Variants in ZNF536 observed in about 807,000 individuals in gnomAD.
The protein encoded by ZNF536 is zinc finger protein 536.
In ZNF536, 13 loss-of-function variants were observed where a neutral mutation model predicts 84.5. That is an observed-to-expected ratio of 0.15 (90% confidence interval 0.10 to 0.24). ZNF536 has a LOEUF of 0.24. Among genes scored for constraint, ZNF536 ranks in the 10% least tolerant of loss-of-function variants. ZNF536 has a pLI of 1.00. For synonymous variants in ZNF536, 811 were observed against 742.5 expected, an observed-to-expected ratio of 1.09 and a Z score of -1.50; for missense variants, 1,536 against 1,747.5, an observed-to-expected ratio of 0.88 and a Z score of 2.16.
chr19:30,693,903 A>C (rs2051538667), intron 1 of ZNF536, among the ~76,000 whole-genome samples: 1 of 152,150 alleles, frequency 6.6e-6, no homozygotes, highest in Non-Finnish European at 1.5e-5. Context: ...ACATTAATAC[A>C]ATACAACCTC....
At chr19:30,255,664 A>G (rs189260033) in intron 1 of ZNF536, among the ~76,000 whole-genome samples, 2 of 152,338 alleles carry the variant, frequency 1.3e-5, no homozygotes, top group East Asian at 3.9e-4. Flanking sequence ...CAATAAAAAA[A>G]ATGTCTTTCT....
intron 1 of ZNF536, among the ~76,000 whole-genome samples, chr19:30,627,650 G>T (rs1335713734): frequency 6.6e-6 from 1 of 152,056 alleles, no homozygotes; most frequent in Admixed American, 6.5e-5. Context: ...TGACACTCAA[G>T]TTCTCTGTAC....
intron 1 of ZNF536, among the ~76,000 whole-genome samples, chr19:30,405,141 C>G (rs181519874): frequency 9.3e-4 from 141 of 152,248 alleles, no homozygotes; most frequent in Non-Finnish European, 1.9e-3. Context: ...ACCCAGTCCT[C>G]TTGGGTTTTT....
chr19:30,618,169 C>T (rs1008190280), intron 1 of ZNF536, among the ~76,000 whole-genome samples: 1 of 151,976 alleles, frequency 6.6e-6, no homozygotes, highest in Non-Finnish European at 1.5e-5. Flanking sequence ...TCATATTGTT[C>T]TTTGTGAATT....
At chr19:30,344,364 C>T (rs545648548) in intron 2 of ZNF536, among the ~76,000 whole-genome samples, 24 of 115,540 alleles carry the variant, frequency 2.1e-4, no homozygotes, top group Admixed American at 1.4e-3. Flanking sequence ...CACTTGAACC[C>T]GGGAGGCGGA....
chr19:30,387,438 C>A (rs559068449), intron 1 of ZNF536, among the ~76,000 whole-genome samples: 2 of 152,272 alleles, frequency 1.3e-5, no homozygotes, highest in African/African-American at 4.8e-5. Flanking sequence ...ATGCCCAGAA[C>A]CTGCCCTCCC....
At chr19:30,451,939 G>A (rs1225542565) in intron 2 of ZNF536, among the ~76,000 whole-genome samples, 4 of 152,246 alleles carry the variant, frequency 2.6e-5, no homozygotes, top group Non-Finnish European at 1.5e-5. Context: ...AAGGAATTAA[G>A]CGGTCAATTT....
intron 2 of ZNF536, among the ~76,000 whole-genome samples, chr19:30,490,234 G>T (rs372160069): frequency 6.6e-6 from 1 of 151,982 alleles, no homozygotes; most frequent in Non-Finnish European, 1.5e-5. Context: ...TAATCTCTTC[G>T]TTCATCTCTT....
chr19:30,292,637 G>T (rs1235355529), intron 2 of ZNF536, among the ~76,000 whole-genome samples: 2 of 152,012 alleles, frequency 1.3e-5, no homozygotes, highest in African/African-American at 4.8e-5. Flanking sequence ...ACTTCTTTGG[G>T]TGTTTTTAGT....
chr19:30,547,781 AG>A (rs1359989277), intron 3 of ZNF536, among the ~76,000 whole-genome samples, 161 bp from the exon 4 acceptor site: 2 of 152,224 alleles, frequency 1.3e-5, no homozygotes, highest in Non-Finnish European at 2.9e-5. Context: ...TCATTAAAAA[AG>A]CTTAAGAGTA....
At chr19:30,590,559 C>T (rs954065875) in intron 1 of ZNF536, among the ~76,000 whole-genome samples, 9 of 152,176 alleles carry the variant, frequency 5.9e-5, no homozygotes, top group African/African-American at 1.9e-4. Context: ...GGATTTTAAC[C>T]TCTTTTTTCT....
intron 1 of ZNF536, among the ~76,000 whole-genome samples, chr19:30,280,562 T>A (rs1200669702): frequency 6.6e-6 from 1 of 152,176 alleles, no homozygotes. Context: ...TCTCATATCC[T>A]CCAAATTGTC....
Position 30,615,069 on chromosome 19 carries a change from C to T in ZNF536, c.169+65555C>T, listed in dbSNP as rs577565459. Among the ~76,000 whole-genome samples, 9 of 142,676 alleles carry T rather than the reference C, an allele frequency of 6.3e-5. No homozygotes were observed. In the East Asian group the frequency reaches 1.7e-3, roughly 26 times the overall value. The allele number at this position is 142,676 out of a possible 152,430, so 93.6% of individuals were successfully genotyped here. A position where few individuals can be genotyped will look rare whatever the true frequency, so the allele number is the denominator to read the frequency against. On this transcript the variant is annotated intron_variant, in intron 1 of 1. Transcript: ENST00000592773. ...TCACGCCATTCTCCTGCCTCAGCCTCCCGTGTAGCTGGGACTACAGGTGCG... is the reference window on the plus strand; with the variant it reads ...TCACGCCATTCTCCTGCCTCAGCCTTCCGTGTAGCTGGGACTACAGGTGCG...
At chr19:30,430,081 C>G (rs754079730) in intron 1 of ZNF536, among the ~76,000 whole-genome samples, 1 of 151,992 alleles carries the variant, frequency 6.6e-6, no homozygotes, top group Non-Finnish European at 1.5e-5. Flanking sequence ...TGTGGAAGAA[C>G]TGTTCTCTTC....
chr19:30,629,251 T>C (rs1186736774), intron 1 of ZNF536, among the ~76,000 whole-genome samples: 1 of 152,104 alleles, frequency 6.6e-6, no homozygotes. Context: ...CAGGCTGGAG[T>C]GCAGTGGCAT....
At chr19:30,254,603 T>C (rs2024812104) in intron 1 of ZNF536, among the ~76,000 whole-genome samples, 1 of 127,804 alleles carries the variant, frequency 7.8e-6, no homozygotes, top group South Asian at 2.6e-4. Flanking sequence ...AAAAAAAAAA[T>C]CATCCAAACC....
At chr19:30,596,149 A>C (rs970707824) in intron 1 of ZNF536, among the ~76,000 whole-genome samples, 2 of 152,246 alleles carry the variant, frequency 1.3e-5, no homozygotes, top group South Asian at 4.1e-4. Context: ...ATTTTGGGCA[A>C]CAATTAAATA....
intron 1 of ZNF536, among the ~76,000 whole-genome samples, chr19:30,621,469 TC>T (rs2048480069): frequency 1.3e-5 from 2 of 152,116 alleles, no homozygotes; most frequent in African/African-American, 2.4e-5. Flanking sequence ...AAATCAAGCA[TC>T]CTTTTTTTCT....
At chr19:30,414,159 A>G (rs1162854396) in intron 1 of ZNF536, among the ~76,000 whole-genome samples, 3 of 146,370 alleles carry the variant, frequency 2.0e-5, no homozygotes, top group African/African-American at 7.5e-5. Context: ...ATTATATTTT[A>G]TATGATACTA....
Sources: allele counts gnomAD v4.1 joint callset (sites outside exome capture counted in the v4.1 genomes callset), GRCh38; gene constraint gnomAD v4.1.1; transcripts MANE v1.5; gene names NCBI Gene and HGNC (gene_info 2026-07-23, HGNC 2026-07-21).